ARHGEF33: variants seen among roughly 807,000 people sequenced by gnomAD.
ARHGEF33 encodes Rho guanine nucleotide exchange factor 33.
Under a neutral mutation model 101.9 loss-of-function variants are expected in ARHGEF33, and 72 were observed. The ratio of observed to expected loss-of-function variants is 0.71; its 90% CI spans 0.58 to 0.86. The LOEUF is 0.86. ARHGEF33 is among the 40% of genes least tolerant of loss of function. The pLI, the probability that ARHGEF33 is intolerant of heterozygous loss-of-function variation, is 0.00. For missense variants in ARHGEF33, 1,169 were observed against 1,111.3 expected (o/e 1.05, Z -0.74); for synonymous variants, 499 against 442.5 (o/e 1.13, Z -1.60).
intron 4 of ARHGEF33, among the ~76,000 whole-genome samples, chr2:38,923,681 T>G (rs966461527): frequency 6.6e-6 from 1 of 152,182 alleles, no homozygotes; most frequent in African/African-American, 2.4e-5. Flanking sequence ...TTACAAGATG[T>G]CTATATTGCT....
intron 17 of ARHGEF33, chr2:38,972,039 A>G (rs1186902724): frequency 1.7e-5 from 12 of 691,412 alleles, no homozygotes; most frequent in Middle Eastern, 2.3e-4. Context: ...ATACGAGGCA[A>G]AGATTTCAAG....
chr2:38,944,636 C>G (rs1245131857), intron 10 of ARHGEF33, among the ~76,000 whole-genome samples: 1 of 152,096 alleles, frequency 6.6e-6, no homozygotes, highest in African/African-American at 2.4e-5. Context: ...TTCAGGGTCT[C>G]TAACATGTCT....
chr2:38,892,242 C>G (rs927555438), intron 1 of ARHGEF33, among the ~76,000 whole-genome samples: 13 of 152,142 alleles, frequency 8.5e-5, no homozygotes, highest in African/African-American at 3.1e-4. Flanking sequence ...GCAATGCCAG[C>G]CCTTTCCACC....
chr2:38,914,458 A>G (rs1421910606), intron 2 of ARHGEF33, among the ~76,000 whole-genome samples: 1 of 152,176 alleles, frequency 6.6e-6, no homozygotes, highest in African/African-American at 2.4e-5. Context: ...ACCTGAAGTC[A>G]GGAGTTCAAG....
At position 38,975,247 on chromosome 2, in the gene ARHGEF33, G is replaced by C. The variant is rs1002051057; in HGVS notation, c.*1404G>C. On this transcript the variant is annotated 3_prime_UTR_variant, in exon 18 of 18. Coordinates refer to ENST00000409978, the MANE Select transcript of ARHGEF33 (RefSeq NM_001145451.5). ...TAGTAGTTGTCTGGAACACATAAAG[G>C]ATCACTGCCAAGTTTTTTGAGTTTC... 4.6e-5 allele frequency: 7 copies of C among 152,200 alleles called. No individual in the cohort carries two copies. Among genetic ancestry groups the C allele is most frequent in the Non-Finnish European group, 1.0e-4 (7 of 68,030 alleles). The allele number at this position is 152,200 out of a possible 1,614,324, so 9.4% of individuals were successfully genotyped here. A position where few individuals can be genotyped will look rare whatever the true frequency, so the allele number is the denominator to read the frequency against.
chr2:38,950,482 C>T (rs539968179), intron 10 of ARHGEF33, among the ~76,000 whole-genome samples: 4 of 152,060 alleles, frequency 2.6e-5, no homozygotes, highest in East Asian at 1.9e-4. Context: ...GACAGAGTCT[C>T]GCTTTGTTAC....
At position 38,954,230 on chromosome 2, in the gene ARHGEF33, A is replaced by G. The variant is rs758213126; in HGVS notation, c.1138-143A>G. On this transcript the variant is annotated intron_variant, in intron 12 of 17. Coordinates refer to ENST00000409978, the MANE Select transcript of ARHGEF33 (RefSeq NM_001145451.5). The stretch of plus-strand genomic sequence containing the variant: ...TGTCCCTGAACATGTGGCCTCTCCT[A>G]TGAGACAGCAATGCTCTATGACAAT... The G allele has an allele frequency of 2.0e-4, 124 of 622,740 alleles. No homozygotes were observed. The African/African-American group carries it at 2.0e-3, about 10-fold the overall frequency. 38.6% of individuals were successfully genotyped at this position (622,740 alleles called of 1,614,324 possible).
At chr2:38,928,128 A>G (rs1482069983) in intron 4 of ARHGEF33, among the ~76,000 whole-genome samples, 3 of 152,200 alleles carry the variant, frequency 2.0e-5, no homozygotes, top group Non-Finnish European at 4.4e-5. Context: ...CTGCTACAAA[A>G]AAGTTAACCA....
chr2:38,895,650 A>G (rs1400960679), intron 1 of ARHGEF33, 127 bp from the exon 2 acceptor site: 1 of 152,144 alleles, frequency 6.6e-6, no homozygotes, highest in Admixed American at 6.5e-5. Context: ...CCTATTAGAA[A>G]TCTTTAACAA....
chr2:38,903,171 A>G (rs1666287155), intron 2 of ARHGEF33, among the ~76,000 whole-genome samples: 1 of 152,162 alleles, frequency 6.6e-6, no homozygotes. Context: ...TAACATTTTA[A>G]TGACTTCTCA....
At chr2:38,964,516 C>T (rs1039916544) in intron 16 of ARHGEF33, among the ~76,000 whole-genome samples, 1 of 151,330 alleles carries the variant, frequency 6.6e-6, no homozygotes, top group Non-Finnish European at 1.5e-5. Flanking sequence ...CTCAGCTCCA[C>T]CTCAGATCAT....
intron 2 of ARHGEF33, among the ~76,000 whole-genome samples, chr2:38,918,641 T>G (rs1399986405): frequency 1.3e-5 from 2 of 152,312 alleles, no homozygotes; most frequent in African/African-American, 4.8e-5. Context: ...CAAAGGAGTC[T>G]ACCAGATGCC....
chr2:38,919,501 G>A (rs1003455621), intron 3 of ARHGEF33, 29 bp downstream of exon 3: 1 of 1,551,296 alleles, frequency 6.4e-7, no homozygotes, highest in Non-Finnish European at 8.7e-7. Flanking sequence ...CTTGCTTTAG[G>A]ACTTAGGATT....
rs1438538208 is a variant in ARHGEF33, at chr2:38,959,969, C to G, written c.1664C>G (p.Pro555Arg). 6.4e-7 allele frequency: 1 copy of G among 1,551,244 alleles called. No individual in the cohort carries two copies. Among genetic ancestry groups the G allele is most frequent in the African/African-American group, 1.4e-5 (1 of 73,164 alleles). ...GAGCGGCCCGAGAGCCTTCTGGCAC[C>G]GACGCAGTTCTGCGCGGCCGAGCAG... ...KHERPESLLA[P>R]TQFCAAEQDV... The change falls in exon 16 of 18, where the codon CCG becomes CGG. Residue 555 changes from proline to arginine, a missense_variant. By Grantham distance (103) the Pro-to-Arg change is moderately radical. Coordinates refer to ENST00000409978, the MANE Select transcript of ARHGEF33 (RefSeq NM_001145451.5).
At chr2:38,946,694 C>T (rs930023303) in intron 10 of ARHGEF33, among the ~76,000 whole-genome samples, 2 of 152,130 alleles carry the variant, frequency 1.3e-5, no homozygotes, top group African/African-American at 2.4e-5. Context: ...GGCATTATCT[C>T]GGCTCACTGT....
intron 1 of ARHGEF33, among the ~76,000 whole-genome samples, chr2:38,892,029 T>C (rs558005196): frequency 5.3e-5 from 8 of 152,166 alleles, no homozygotes; most frequent in Non-Finnish European, 8.8e-5. Flanking sequence ...AAAGACAGGG[T>C]AGTAAGTATT....
chr2:38,966,238 T>G (rs900345752), intron 17 of ARHGEF33, 93 bp downstream of exon 17: 2 of 1,448,674 alleles, frequency 1.4e-6, no homozygotes, highest in Non-Finnish European at 1.8e-6. Context: ...AGTAGCCTGG[T>G]CTCACACAAC....
rs376713852 is a variant in ARHGEF33, at chr2:38,896,777, C to T, written c.-86+928C>T. ...TGCTCATTGTAAAATAAAATACAAA[C>T]GTGATCATGACAGAAGAGTTTAAGT... is the stretch of plus-strand genomic sequence containing the variant. On this transcript the variant is annotated intron_variant, in intron 2 of 17. Transcript: ENST00000409978. Among the ~76,000 whole-genome samples the T allele has an allele frequency of 9.2e-5, 14 of 152,256 alleles. 1 individual carries two copies. Among genetic ancestry groups the T allele is most frequent in the South Asian group, 2.1e-4 (1 of 4,822 alleles).
intron 6 of ARHGEF33, among the ~76,000 whole-genome samples, chr2:38,930,424 T>G (rs546782868): frequency 2.0e-4 from 30 of 152,034 alleles, no homozygotes; most frequent in South Asian, 1.0e-3. Flanking sequence ...CACAGCTCAC[T>G]GCAGCCTTGA....
Sources: gnomAD v4.1 joint callset for allele counts (sites outside exome capture counted in the v4.1 genomes callset) on GRCh38, gnomAD v4.1.1 for gene constraint, MANE v1.5 for transcripts, NCBI Gene and HGNC (gene_info 2026-07-23, HGNC 2026-07-21) for gene names.